Variants in SV2C observed in about 807,000 individuals in gnomAD.
SV2C encodes the protein synaptic vesicle glycoprotein 2C.
Under a neutral mutation model 79.7 loss-of-function variants are expected in SV2C, and 49 were observed. The ratio of observed to expected loss-of-function variants is 0.61; its 90% CI spans 0.49 to 0.78. The LOEUF (loss-of-function observed/expected upper bound fraction) is 0.78, where lower values mean the gene tolerates loss of function less well. SV2C is among the 30% of genes least tolerant of loss of function. The pLI is 0.00. For missense variants in SV2C, 833 were observed against 912.9 expected, an observed-to-expected ratio of 0.91 and a Z score of 1.13; for synonymous variants, 334 against 333.2, an observed-to-expected ratio of 1.00 and a Z score of -0.03.
At chr5:76,277,359 GTGA>G (rs1426737508) in intron 4 of SV2C, among the ~76,000 whole-genome samples, 4 of 152,202 alleles carry the variant, frequency 2.6e-5, no homozygotes, top group South Asian at 4.1e-4. Flanking sequence ...CCTTCAACTG[GTGA>G]GTGGATAAAC....
chr5:76,287,005 T>C (rs566889302), intron 6 of SV2C, among the ~76,000 whole-genome samples: 2 of 152,242 alleles, frequency 1.3e-5, no homozygotes, highest in African/African-American at 4.8e-5. Flanking sequence ...CCATATCACC[T>C]GACAACCAAA....
the SV2C span, among the ~76,000 whole-genome samples, chr5:76,014,263 AGAAG>A: frequency 7.1e-6 from 1 of 140,072 alleles, no homozygotes; most frequent in Non-Finnish European, 1.5e-5. Flanking sequence ...AAGGAAAGAA[AGAAG>A]GAAAGAAAGA....
chr5:76,235,812 C>T (rs1289776378), intron 4 of SV2C, among the ~76,000 whole-genome samples: 1 of 151,936 alleles, frequency 6.6e-6, no homozygotes, highest in Non-Finnish European at 1.5e-5. Context: ...TTACTTAGTA[C>T]ATTTCATTAA....
chr5:76,065,032 G>A, the SV2C span, among the ~76,000 whole-genome samples: 1 of 152,140 alleles, frequency 6.6e-6, no homozygotes, highest in African/African-American at 2.4e-5. Context: ...TTTTGATGTT[G>A]TTGATAGGCT....
chr5:75,981,268 A>G, the SV2C span, among the ~76,000 whole-genome samples: 1 of 152,216 alleles, frequency 6.6e-6, no homozygotes, highest in African/African-American at 2.4e-5. Context: ...GGAAGAATCA[A>G]TATTATTAAA....
intron 4 of SV2C, among the ~76,000 whole-genome samples, chr5:76,246,731 C>T (rs1275071837): frequency 1.3e-5 from 2 of 152,274 alleles, no homozygotes; most frequent in Admixed American, 1.3e-4. Flanking sequence ...CAAAGCAAGA[C>T]ATAGTGGTGC....
intron 4 of SV2C, among the ~76,000 whole-genome samples, chr5:76,225,290 C>T (rs1024661474): frequency 6.6e-5 from 10 of 152,340 alleles, no homozygotes; most frequent in African/African-American, 2.4e-4. Flanking sequence ...AGGCATGCTT[C>T]CACTTGAGGA....
At chr5:75,902,720 T>A in the SV2C span, among the ~76,000 whole-genome samples, 4 of 152,220 alleles carry the variant, frequency 2.6e-5, no homozygotes, top group African/African-American at 9.7e-5. Context: ...TCTAACATTA[T>A]GAAACTGGCT....
chr5:76,188,322 C>T lies in SV2C; in HGVS notation c.581-6597C>T, dbSNP rs1580341098. Reference sequence around the variant, plus strand: ...TGTGTGTTTTACACAGTACTAAGCACTTTATCTCATTTAATCTCTCAAAAC... The same window carrying T: ...TGTGTGTTTTACACAGTACTAAGCATTTTATCTCATTTAATCTCTCAAAAC... On this transcript the variant is annotated intron_variant, in intron 2 of 12. Coordinates refer to ENST00000502798, the MANE Select transcript of SV2C (RefSeq NM_014979.4). Among the ~76,000 whole-genome samples, 3 of 152,166 alleles carry T rather than the reference C, an allele frequency of 2.0e-5. No individual in the cohort carries two copies. The South Asian group carries it at 6.2e-4, about 31-fold the overall frequency.
At chr5:76,061,236 T>C in the SV2C span, among the ~76,000 whole-genome samples, 34 of 139,390 alleles carry the variant, frequency 2.4e-4, no homozygotes, top group Non-Finnish European at 3.6e-4. Context: ...ATAGATTTAC[T>C]TGATGCAAGG....
At chr5:75,970,539 T>C in the SV2C span, among the ~76,000 whole-genome samples, 5 of 151,960 alleles carry the variant, frequency 3.3e-5, no homozygotes, top group Admixed American at 6.5e-5. Context: ...GAGAATACTA[T>C]AAACACCTCT....
At chr5:76,347,970 GCA>G (rs1414728773) in intron 12 of SV2C, among the ~76,000 whole-genome samples, 1 of 152,050 alleles carries the variant, frequency 6.6e-6, no homozygotes, top group Admixed American at 6.6e-5. Flanking sequence ...TCTTGGTGTT[GCA>G]CAGTCTATGG....
chr5:76,094,497 A>G (rs975246689), intron 1 of SV2C, among the ~76,000 whole-genome samples: 12 of 152,072 alleles, frequency 7.9e-5, no homozygotes, highest in Admixed American at 7.2e-4. Flanking sequence ...TCAATAGTCA[A>G]TTCTTTGTCA....
At chr5:76,022,353 G>A in the SV2C span, among the ~76,000 whole-genome samples, 1 of 152,176 alleles carries the variant, frequency 6.6e-6, no homozygotes, top group Non-Finnish European at 1.5e-5. Flanking sequence ...GACCCATGCT[G>A]CTCCGTATTT....
intron 4 of SV2C, among the ~76,000 whole-genome samples, chr5:76,243,220 G>T (rs1745846437): frequency 6.6e-6 from 1 of 151,984 alleles, no homozygotes; most frequent in Non-Finnish European, 1.5e-5. Flanking sequence ...CTACAGAAAT[G>T]CATGGAATCA....
chr5:76,012,347 C>T, the SV2C span, among the ~76,000 whole-genome samples: 85 of 152,298 alleles, frequency 5.6e-4, no homozygotes, highest in African/African-American at 1.9e-3. Context: ...ATTTGCATTT[C>T]GCTAATGACC....
At chr5:76,098,123 G>T (rs1747626721) in intron 1 of SV2C, among the ~76,000 whole-genome samples, 1 of 152,174 alleles carries the variant, frequency 6.6e-6, no homozygotes, top group African/African-American at 2.4e-5. Flanking sequence ...AACTGTGGGA[G>T]ATGCCCAGTA....
At chr5:76,054,307 TG>T in the SV2C span, among the ~76,000 whole-genome samples, 1 of 152,214 alleles carries the variant, frequency 6.6e-6, no homozygotes, top group Admixed American at 6.5e-5. Context: ...TCCATGTCCC[TG>T]CAAAGGACAT....
chr5:76,342,469 TG>T (rs1224812607), intron 12 of SV2C, among the ~76,000 whole-genome samples: 3 of 152,162 alleles, frequency 2.0e-5, no homozygotes, highest in Non-Finnish European at 4.4e-5. Flanking sequence ...TTTACGAGGA[TG>T]AATGCAAGGC....
Sources: allele counts gnomAD v4.1 joint callset (sites outside exome capture counted in the v4.1 genomes callset), GRCh38; gene constraint gnomAD v4.1.1; transcripts MANE v1.5; gene names NCBI Gene and HGNC (gene_info 2026-07-23, HGNC 2026-07-21).